Variants in GRIK4 observed in about 807,000 individuals in gnomAD.
GRIK4 encodes the protein glutamate ionotropic receptor kainate type subunit 4.
In GRIK4, 40 loss-of-function variants were observed where a neutral mutation model predicts 104.9. The ratio of observed to expected loss-of-function variants is 0.38; its 90% CI spans 0.30 to 0.50. The LOEUF (loss-of-function observed/expected upper bound fraction) is 0.50, where lower values mean the gene tolerates loss of function less well. Among genes scored for constraint, GRIK4 ranks in the 20% least tolerant of loss-of-function variants. GRIK4 has a pLI of 0.93. For missense variants in GRIK4, 1,047 were observed against 1,308.1 expected, an observed-to-expected ratio of 0.80 and a Z score of 3.08; for synonymous variants, 485 against 524.9, an observed-to-expected ratio of 0.92 and a Z score of 1.04.
chr11:120,743,240 A>G (rs1378602457), intron 3 of GRIK4, among the ~76,000 whole-genome samples: 1 of 152,094 alleles, frequency 6.6e-6, no homozygotes, highest in Non-Finnish European at 1.5e-5. Context: ...AGAGAAAAAA[A>G]AAAAAAAAAG....
At chr11:120,787,412 A>G (rs771287315) in intron 3 of GRIK4, among the ~76,000 whole-genome samples, 17 of 151,746 alleles carry the variant, frequency 1.1e-4, no homozygotes, top group Admixed American at 2.0e-4. Flanking sequence ...AATTTCACCT[A>G]TTTCTTTTGA....
In GRIK4 at chr11:120,785,412, A is replaced by G. The variant is rs369492807; in HGVS notation, c.83-17281A>G. On this transcript the variant is annotated intron_variant, in intron 3 of 20. Transcript: ENST00000527524. ...GAGCAAGGAACTGTTTAAGGAGGCTAACTGGGAATATCAATCAGGTATCCA... is the reference window on the plus strand; with the variant it reads ...GAGCAAGGAACTGTTTAAGGAGGCTGACTGGGAATATCAATCAGGTATCCA... 3.0e-4 allele frequency among the ~76,000 whole-genome samples: 46 copies of G among 152,332 alleles called. 1 individual carries two copies. In the East Asian group the frequency reaches 4.2e-3, roughly 14 times the overall value.
At position 120,534,497 on chromosome 11, in the gene GRIK4, G is replaced by A. The variant is rs117429296; in HGVS notation, c.-159+22610G>A. Among the ~76,000 whole-genome samples, 30 of 152,244 alleles carry A rather than the reference G, an allele frequency of 2.0e-4. No homozygotes were observed. The East Asian group carries it at 4.8e-3, about 24-fold the overall frequency. On this transcript the variant is annotated intron_variant, in intron 1 of 20. Coordinates refer to ENST00000527524, the MANE Select transcript of GRIK4 (RefSeq NM_014619.5). ...ACCAAAGAGAAGCTGATGACGGAGC[G>A]CTGAGAACCGTGCACGCTGGGGCCT...
At chr11:120,822,673 C>T (rs979302475) in intron 6 of GRIK4, among the ~76,000 whole-genome samples, 3 of 152,218 alleles carry the variant, frequency 2.0e-5, no homozygotes, top group Non-Finnish European at 4.4e-5. Flanking sequence ...GGAACATTCC[C>T]ATCATGGAGG....
intron 13 of GRIK4, among the ~76,000 whole-genome samples, chr11:120,930,354 G>A (rs1197770271): frequency 6.6e-6 from 1 of 152,258 alleles, no homozygotes. Flanking sequence ...GTAAACAGCA[G>A]TAATAGTAAG....
rs959057564 is a variant in GRIK4, at chr11:120,956,570, TA to T, written c.1701-202del. Among the ~76,000 whole-genome samples the T allele has an allele frequency of 4.0e-5, 6 of 151,782 alleles. No homozygotes were observed. Among genetic ancestry groups the T allele is most frequent in the Non-Finnish European group, 8.8e-5 (6 of 67,912 alleles). ...TTGGGGGTAAAAATGTCTCTTTGATTAAAAAAAAGTTTGAGAACCATCAACC... is the reference window on the plus strand; with the variant it reads ...TTGGGGGTAAAAATGTCTCTTTGATTAAAAAAAGTTTGAGAACCATCAACC... On this transcript the variant is annotated intron_variant, in intron 15 of 20. Coordinates refer to ENST00000527524, the MANE Select transcript of GRIK4 (RefSeq NM_014619.5). The surrounding 1 kb of genome is among the most constrained non-coding windows in gnomAD (Gnocchi z 4.6).
At chr11:120,958,120 G>A (rs554156052) in intron 16 of GRIK4, among the ~76,000 whole-genome samples, 1 of 152,212 alleles carries the variant, frequency 6.6e-6, no homozygotes, top group Non-Finnish European at 1.5e-5. Flanking sequence ...GGAGCATCGG[G>A]GGATGTCGAT....
chr11:120,890,339 A>G (rs1025233458), intron 11 of GRIK4, among the ~76,000 whole-genome samples: 7 of 152,028 alleles, frequency 4.6e-5, no homozygotes, highest in African/African-American at 7.2e-5. Flanking sequence ...GTCCTCTTGT[A>G]CCCCCTGAAT....
At chr11:120,559,916 G>GA (rs1357539492) in intron 1 of GRIK4, among the ~76,000 whole-genome samples, 1 of 152,208 alleles carries the variant, frequency 6.6e-6, no homozygotes, top group Non-Finnish European at 1.5e-5. Context: ...AGGGAGGCCT[G>GA]AGAGGGTCTC....
At chr11:120,815,278 G>C in intron 4 of GRIK4, 100 bp from the exon 5 acceptor site, 1 of 698,480 alleles carries the variant, frequency 1.4e-6, no homozygotes, top group South Asian at 1.6e-5. Context: ...GTGTGCAGAA[G>C]GTGAGGGGGC....
chr11:120,558,278 T>C (rs778418160), intron 1 of GRIK4, among the ~76,000 whole-genome samples: 12 of 152,032 alleles, frequency 7.9e-5, no homozygotes, highest in African/African-American at 2.4e-4. Flanking sequence ...CAGCTCCTTT[T>C]CCTATATGAA....
At chr11:120,582,856 A>G (rs1250396016) in intron 1 of GRIK4, among the ~76,000 whole-genome samples, 2 of 152,192 alleles carry the variant, frequency 1.3e-5, no homozygotes, top group Non-Finnish European at 2.9e-5. Flanking sequence ...AGAAAAATGT[A>G]TATTTCTTTG....
In GRIK4 at chr11:120,665,743, C is replaced by T. The variant is rs116331399; in HGVS notation, c.82+5343C>T. Among the ~76,000 whole-genome samples the T allele has an allele frequency of 6.4e-3, 982 of 152,268 alleles. 7 individuals carry two copies. Among genetic ancestry groups the T allele is most frequent in the African/African-American group, 0.022 (897 of 41,548 alleles). On this transcript the variant is annotated intron_variant, in intron 3 of 20. Transcript: ENST00000527524. ...TTTTACCAAAAGAAAAAAAAGTCTG[C>T]GCGTGTGTCTGCACACACTTGTGCT...
At chr11:120,772,643 G>A (rs995932607) in intron 3 of GRIK4, among the ~76,000 whole-genome samples, 16 of 151,858 alleles carry the variant, frequency 1.1e-4, no homozygotes, top group East Asian at 3.9e-4. Context: ...GTGTATGTGC[G>A]CGCGTGTGTG....
intron 1 of GRIK4, among the ~76,000 whole-genome samples, chr11:120,581,097 C>T (rs1948575380): frequency 1.3e-5 from 2 of 152,092 alleles, no homozygotes; most frequent in Admixed American, 1.3e-4. Flanking sequence ...GTCTTTTGTA[C>T]ATTTTTATAT....
At chr11:120,649,145 C>A (rs947747188) in intron 1 of GRIK4, among the ~76,000 whole-genome samples, 5 of 152,162 alleles carry the variant, frequency 3.3e-5, no homozygotes, top group African/African-American at 1.2e-4. Flanking sequence ...GGTCTCCGAA[C>A]CTTCAGCAGG....
intron 8 of GRIK4, among the ~76,000 whole-genome samples, chr11:120,855,871 C>G (rs918177374): frequency 6.6e-6 from 1 of 152,226 alleles, no homozygotes; most frequent in Non-Finnish European, 1.5e-5. Flanking sequence ...CCTATGGTGA[C>G]TTATTTAGCA....
At position 120,706,512 on chromosome 11, in the gene GRIK4, G is replaced by T. The variant is rs560030644; in HGVS notation, c.82+46112G>T. ...CTGGAGTCCTTGCATGGAGCCCAGG[G>T]GTGAGTCATGTAGAGAATGGGATGG... On this transcript the variant is annotated intron_variant, in intron 3 of 20. Transcript: ENST00000527524. Among the ~76,000 whole-genome samples, 322 of 152,228 alleles carry T rather than the reference G, an allele frequency of 2.1e-3. 2 individuals carry two copies. The highest frequency in any genetic ancestry group is 7.3e-3 in the African/African-American group (304 of 41,532).
In GRIK4 at chr11:120,949,093, C is replaced by A. The variant is rs543608221; in HGVS notation, c.1591-3762C>A. The stretch of plus-strand genomic sequence containing the variant: ...CTCTGGGAAAGCAATTGCATTCTTC[C>A]GAGAATGTCATTTCTTCCAGTATAT... On this transcript the variant is annotated intron_variant, in intron 14 of 20. Transcript: ENST00000527524. Among the ~76,000 whole-genome samples, 91 of 152,240 alleles carry A rather than the reference C, an allele frequency of 6.0e-4. 1 individual carries two copies. The highest frequency in any genetic ancestry group is 2.1e-3 in the African/African-American group (88 of 41,538).
Sources: gnomAD v4.1 joint callset for allele counts (sites outside exome capture counted in the v4.1 genomes callset) on GRCh38, gnomAD v4.1.1 for gene constraint, Gnocchi (gnomAD v3.1) non-coding constraint, MANE v1.5 for transcripts, NCBI Gene and HGNC (gene_info 2026-07-23, HGNC 2026-07-21) for gene names.